Variants in RYR3 observed in about 807,000 individuals in gnomAD.
RYR3 encodes the protein ryanodine receptor 3.
In RYR3, 207 loss-of-function variants were observed where a neutral mutation model predicts 584.3. The ratio of observed to expected loss-of-function variants is 0.35; its 90% CI spans 0.32 to 0.40. RYR3 has a LOEUF of 0.40. Ranked by LOEUF, RYR3 falls within the 10% of genes least tolerant of loss-of-function variation. RYR3 has a pLI of 1.00. For synonymous variants in RYR3, 2,416 were observed against 2,248.5 expected, an observed-to-expected ratio of 1.07 and a Z score of -2.11; for missense variants, 5,616 against 6,089.2, an observed-to-expected ratio of 0.92 and a Z score of 2.59.
At chr15:33,443,958 C>A (rs2046420798) in intron 1 of RYR3, among the ~76,000 whole-genome samples, 1 of 152,148 alleles carries the variant, frequency 6.6e-6, no homozygotes, top group East Asian at 1.9e-4. Flanking sequence ...CAGGAGGCAG[C>A]CACCATGTGA....
chr15:33,826,384 C>T (rs1487771508), intron 83 of RYR3, 115 bp downstream of exon 83: 16 of 1,085,368 alleles, frequency 1.5e-5, no homozygotes, highest in Non-Finnish European at 2.1e-5. Flanking sequence ...GAGTTGAACT[C>T]AGCAGTTTGG....
chr15:33,792,541 C>T (rs1295605239), intron 67 of RYR3, among the ~76,000 whole-genome samples: 5 of 152,176 alleles, frequency 3.3e-5, no homozygotes, highest in Non-Finnish European at 7.4e-5. Context: ...TTCTATTCTA[C>T]AGAACTTCAA....
intron 81 of RYR3, among the ~76,000 whole-genome samples, chr15:33,823,757 GAA>G (rs1334953168): frequency 6.6e-5 from 10 of 152,190 alleles, no homozygotes; most frequent in Admixed American, 5.9e-4. Flanking sequence ...CAGAATCTAA[GAA>G]AAGTGTCAGC....
chr15:33,513,261 T>A (rs2053202052), intron 3 of RYR3, among the ~76,000 whole-genome samples: 1 of 152,222 alleles, frequency 6.6e-6, no homozygotes, highest in Non-Finnish European at 1.5e-5. Context: ...TCAATTTATT[T>A]CCATTTCATT....
Position 33,582,878 on chromosome 15 carries a change from T to G in RYR3, c.1573+1235T>G, listed in dbSNP as rs2058664068. ...TAAATTTGCCATGTATCAGCCTCAG[T>G]GAAATTCCAATTCAAACCTATCATG... On this transcript the variant is annotated intron_variant, in intron 14 of 103. Coordinates refer to ENST00000634891, the MANE Select transcript of RYR3 (RefSeq NM_001036.6). Among the ~76,000 whole-genome samples, 5 of 152,304 alleles carry G rather than the reference T, an allele frequency of 3.3e-5. No individual in the cohort carries two copies. In the South Asian group the frequency reaches 1.0e-3, roughly 32 times the overall value.
chr15:33,767,345 G>A (rs6495239), intron 60 of RYR3, among the ~76,000 whole-genome samples: 42,111 of 151,772 alleles, frequency 0.28, 6,738 homozygotes, highest in African/African-American at 0.45. Flanking sequence ...AAGAAAAAAA[G>A]AGCAGCCGAT....
chr15:33,760,688 C>T (rs575817263), intron 60 of RYR3, among the ~76,000 whole-genome samples: 1 of 151,798 alleles, frequency 6.6e-6, no homozygotes, highest in East Asian at 1.9e-4. Context: ...AATATTAGAT[C>T]AACGAGACAG....
At chr15:33,859,979 G>A (rs547222135) in intron 100 of RYR3, among the ~76,000 whole-genome samples, 16 of 152,054 alleles carry the variant, frequency 1.1e-4, no homozygotes, top group Non-Finnish European at 1.5e-4. Flanking sequence ...CCTCTACTCT[G>A]AATTATTTAC....
At position 33,478,262 on chromosome 15, in the gene RYR3, A is replaced by G. The variant is rs373174956; in HGVS notation, c.171+4724A>G. ...CATTTCGGCAGAAACCCCTATAGCAATTCAGGGGCTGGCTTCTGGATTTCC... is the reference window on the plus strand; with the variant it reads ...CATTTCGGCAGAAACCCCTATAGCAGTTCAGGGGCTGGCTTCTGGATTTCC... On this transcript the variant is annotated intron_variant, in intron 2 of 103. Coordinates refer to ENST00000634891, the MANE Select transcript of RYR3 (RefSeq NM_001036.6). Among the ~76,000 whole-genome samples, 78 of 152,268 alleles carry G rather than the reference A, an allele frequency of 5.1e-4. No individual in the cohort carries two copies. In the South Asian group the frequency reaches 0.013, roughly 26 times the overall value.
chr15:33,854,821 ACTT>A lies in RYR3; in HGVS notation c.13923_13925del (p.Phe4642del), dbSNP rs1194001031. 1.9e-6 allele frequency: 3 copies of A among 1,613,710 alleles called. No homozygotes were observed. The highest frequency in any genetic ancestry group is 1.1e-5 in the South Asian group (1 of 91,002). On this transcript the variant is annotated inframe_deletion, in exon 98 of 104. Transcript: ENST00000634891. ...ATGTCAGTCCTGGGCCACTACAATA[ACTT>A]CTTCTTTGCTGCTCACCTATTGGAC...
At chr15:33,732,445 G>GA (rs2069051417) in intron 48 of RYR3, among the ~76,000 whole-genome samples, 1 of 149,814 alleles carries the variant, frequency 6.7e-6, no homozygotes, top group Non-Finnish European at 1.5e-5. Context: ...ACAAATGAAA[G>GA]AAAAAACCTC....
At chr15:33,509,367 G>A (rs899847421) in intron 3 of RYR3, among the ~76,000 whole-genome samples, 1 of 152,056 alleles carries the variant, frequency 6.6e-6, no homozygotes, top group Non-Finnish European at 1.5e-5. Context: ...AGAAGAAAAG[G>A]GGAACCACCA....
At chr15:33,336,440 A>AAGAGAG (rs1204873404) in intron 1 of RYR3, among the ~76,000 whole-genome samples, 152 of 12,122 alleles carry the variant, frequency 0.013, 8 homozygotes, top group Admixed American at 0.014. Flanking sequence ...GAAAGAAAGA[A>AAGAGAG]AGAGAGAGAG....
intron 55 of RYR3, among the ~76,000 whole-genome samples, chr15:33,749,355 G>A (rs776463456): frequency 7.2e-5 from 11 of 152,122 alleles, no homozygotes; most frequent in Non-Finnish European, 1.2e-4. Context: ...GCTTCCTCCC[G>A]TTGCTCCCCT....
At chr15:33,549,296 C>T (rs2056492889) in intron 9 of RYR3, among the ~76,000 whole-genome samples, 1 of 152,118 alleles carries the variant, frequency 6.6e-6, no homozygotes, top group Non-Finnish European at 1.5e-5. Flanking sequence ...TGATTGCTTG[C>T]TCATTTCCCC....
chr15:33,540,954 C>T, intron 7 of RYR3, 64 bp downstream of exon 7: 1 of 1,039,810 alleles, frequency 9.6e-7, no homozygotes, highest in Admixed American at 1.7e-5. Flanking sequence ...TATACATTGA[C>T]ATTTTCTGCT....
intron 69 of RYR3, among the ~76,000 whole-genome samples, chr15:33,807,240 G>C (rs1242903427): frequency 6.6e-6 from 1 of 152,178 alleles, no homozygotes; most frequent in Non-Finnish European, 1.5e-5. Flanking sequence ...TTCAGTTCTG[G>C]CCACCCACAA....
At chr15:33,856,219 GCTTT>G (rs756594128) in intron 98 of RYR3, 3 of 152,146 alleles carry the variant, frequency 2.0e-5, no homozygotes, top group Non-Finnish European at 4.4e-5. Context: ...TAAACCACCT[GCTTT>G]CTGTGAGGTC....
rs1268758671 is a variant in RYR3, at chr15:33,778,169, C to CT, written c.9138-2042_9138-2041insT. Among the ~76,000 whole-genome samples, 7 of 74,712 alleles carry CT rather than the reference C, an allele frequency of 9.4e-5. No homozygotes were observed. In the South Asian group the frequency reaches 4.5e-3, roughly 48 times the overall value. The allele number at this position is 74,712 out of a possible 152,430, so 49.0% of individuals were successfully genotyped here. A position where few individuals can be genotyped will look rare whatever the true frequency, so the allele number is the denominator to read the frequency against. Reference sequence around the variant, plus strand: ...TGGGCGACAGAGCAAGACTCTGTCTCAAAATAAATAAATAAATAAATAAAT... The same window carrying CT: ...TGGGCGACAGAGCAAGACTCTGTCTCTAAAATAAATAAATAAATAAATAAAT... On this transcript the variant is annotated intron_variant, in intron 64 of 103. Transcript: ENST00000634891.
Sources: allele counts gnomAD v4.1 joint callset (sites outside exome capture counted in the v4.1 genomes callset), GRCh38; gene constraint gnomAD v4.1.1; transcripts MANE v1.5; gene names NCBI Gene and HGNC (gene_info 2026-07-23, HGNC 2026-07-21).